The following SH3YL1 variants were observed in gnomAD, a reference collection of about 807,000 sequenced individuals.
SH3YL1 encodes the protein SH3 and SYLF domain containing 1, also known as SH3 domain-containing YSC84-like protein 1.
A neutral mutation model predicts 45.8 loss-of-function variants in SH3YL1; 41 were observed. The ratio of observed to expected loss-of-function variants is 0.89; its 90% CI spans 0.70 to 1.16. SH3YL1 has a LOEUF of 1.16. Ranked by LOEUF, SH3YL1 falls within the 50% of genes most tolerant of loss-of-function variation. The probability of loss-of-function intolerance (pLI) is 0.00; values close to 1 mark genes in which losing one functional copy is unlikely to be tolerated. For synonymous variants in SH3YL1, 152 were observed against 151.4 expected (o/e 1.00, Z -0.03); for missense variants, 389 against 409.6 (o/e 0.95, Z 0.43).
rs773162620 is a variant in SH3YL1, at chr2:253,078, T to C, written c.39A>G (p.Ala13=). ...NPIPSNLKSE[A]KKAAKILREF... ...CTCTTAATATTTTGGCAGCCTTTTT[T>C]GCTTCTGATTTCAAATTGGAAGGTA... The change falls in exon 2 of 10, where the codon GCA becomes GCG. Residue 13 remains alanine (A), a synonymous_variant. Transcript: ENST00000356150. 2.6e-6 allele frequency: 4 copies of C among 1,549,574 alleles called. No homozygotes were observed. Among genetic ancestry groups the C allele is most frequent in the Non-Finnish European group, 8.7e-7 (1 of 1,145,180 alleles).
intron 1 of SH3YL1, chr2:262,807 A>C (rs1669640507): frequency 1.2e-6 from 1 of 862,794 alleles, no homozygotes; most frequent in Non-Finnish European, 1.6e-6. Flanking sequence ...CAAAAGTATC[A>C]AATCACTTTT....
chr2:229,708 G>A (rs1252614646), intron 8 of SH3YL1, among the ~76,000 whole-genome samples: 11 of 121,842 alleles, frequency 9.0e-5, no homozygotes, highest in South Asian at 2.6e-4. Context: ...CAGCCTGGGC[G>A]ACAGAGCGAG....
In SH3YL1 at chr2:229,834, CTTATT is replaced by C. The variant is rs1213545073; in HGVS notation, c.781+127_781+131del. ...TCATGTATTTAGAAGAGGCTGAGCA[CTTATT>C]TTACTCTTAAATATGTTAGTTCTTC... is the stretch of plus-strand genomic sequence containing the variant. On this transcript the variant is annotated intron_variant, in intron 8 of 9. Transcript: ENST00000356150. 2.1e-5 allele frequency: 13 copies of C among 613,484 alleles called. No individual in the cohort carries two copies. The East Asian group carries it at 3.4e-4, about 16-fold the overall frequency. The allele number at this position is 613,484 out of a possible 1,614,324, so 38.0% of individuals were successfully genotyped here.
chr2:237,067 C>T (rs1668337067), intron 4 of SH3YL1, among the ~76,000 whole-genome samples: 1 of 152,028 alleles, frequency 6.6e-6, no homozygotes, highest in Admixed American at 6.6e-5. Flanking sequence ...GCATTTTCAC[C>T]AGTGATTGTA....
chr2:220,933 T>G (rs1192288216), intron 9 of SH3YL1, among the ~76,000 whole-genome samples: 1 of 152,202 alleles, frequency 6.6e-6, no homozygotes, highest in Non-Finnish European at 1.5e-5. Context: ...ATTTATACAC[T>G]TGCAGTCTCA....
intron 1 of SH3YL1, chr2:259,370 TA>T (rs1669492488): frequency 6.6e-6 from 1 of 152,214 alleles, no homozygotes; most frequent in Non-Finnish European, 1.5e-5. Context: ...ATTTATACAT[TA>T]AAAATTAATA....
At chr2:232,939 G>T in intron 6 of SH3YL1, 162 bp downstream of exon 6, 1 of 473,346 alleles carries the variant, frequency 2.1e-6, no homozygotes, top group Non-Finnish European at 3.3e-6. Flanking sequence ...CATTTTCTAC[G>T]AGCATATATT....
chr2:260,651 A>C (rs976429949), intron 1 of SH3YL1: 2 of 152,276 alleles, frequency 1.3e-5, no homozygotes, highest in Non-Finnish European at 2.9e-5. Flanking sequence ...GCCAGACTGA[A>C]GTCACAAGCC....
chr2:248,675 G>T (rs1668942972), intron 3 of SH3YL1, among the ~76,000 whole-genome samples: 2 of 152,146 alleles, frequency 1.3e-5, no homozygotes, highest in South Asian at 4.2e-4. Flanking sequence ...CCCATCAATG[G>T]AGCAGTTGGG....
chr2:234,903 G>A (rs1378297362), intron 4 of SH3YL1, among the ~76,000 whole-genome samples: 2 of 152,090 alleles, frequency 1.3e-5, no homozygotes, highest in East Asian at 1.9e-4. Flanking sequence ...TTGAGAAAGA[G>A]TTTCACTCTT....
intron 9 of SH3YL1, chr2:222,822 G>A (rs1305198326): frequency 1.3e-5 from 2 of 152,228 alleles, no homozygotes; most frequent in African/African-American, 4.8e-5. Flanking sequence ...CGCACGTGGA[G>A]GACTCAGTGT....
intron 8 of SH3YL1, 49 bp downstream of exon 8, chr2:229,917 A>C (rs765697020): frequency 1.4e-6 from 2 of 1,382,772 alleles, no homozygotes; most frequent in South Asian, 2.4e-5. Flanking sequence ...GATAACATTT[A>C]ATAATTACTT....
intron 2 of SH3YL1, among the ~76,000 whole-genome samples, chr2:250,868 T>C (rs1319587436): frequency 6.6e-6 from 1 of 152,238 alleles, no homozygotes; most frequent in Non-Finnish European, 1.5e-5. Flanking sequence ...GAAAATAAGG[T>C]TGCATCCTGG....
intron 7 of SH3YL1, chr2:230,299 A>G: frequency 3.1e-6 from 1 of 317,868 alleles, no homozygotes; most frequent in Non-Finnish European, 5.8e-6. Flanking sequence ...CCACCTGTGC[A>G]AGGTCTTAGG....
At chr2:238,102 T>C (rs1399683368) in intron 4 of SH3YL1, among the ~76,000 whole-genome samples, 1 of 152,136 alleles carries the variant, frequency 6.6e-6, no homozygotes, top group Non-Finnish European at 1.5e-5. Flanking sequence ...TTGACTGCTG[T>C]CAGCCTTCAA....
In SH3YL1 at chr2:263,970, C is replaced by T. The variant is rs1197479977; in HGVS notation, c.1+14G>A. The T allele has an allele frequency of 2.0e-6, 3 of 1,497,948 alleles. No homozygotes were observed. In the African/African-American group the frequency reaches 4.4e-5, roughly 22 times the overall value. The allele number at this position is 1,497,948 out of a possible 1,614,324, so 92.8% of individuals were successfully genotyped here. A position where few individuals can be genotyped will look rare whatever the true frequency, so the allele number is the denominator to read the frequency against. On this transcript the variant is annotated intron_variant, in intron 1 of 9. Transcript: ENST00000356150. ...GGAGGGTGCTGCCGGACAGGTGGGT[C>T]CCCGGGTACTCACTGCTGCCCGCCC...
upstream of SH3YL1, chr2:264,758 G>A (rs1242908259): frequency 3.7e-6 from 2 of 547,252 alleles, no homozygotes; most frequent in Non-Finnish European, 6.3e-6. Context: ...GTGACCCGCG[G>A]ACCCTCCCCG....
chr2:239,416 C>T (rs300703), intron 4 of SH3YL1: 139,032 of 152,264 alleles, frequency 0.91, 63,602 homozygotes, highest in African/African-American at 0.97. Context: ...GGATACACCA[C>T]GTGGAAGGTA....
intron 1 of SH3YL1, among the ~76,000 whole-genome samples, chr2:258,669 T>G (rs1369241760): frequency 6.6e-6 from 1 of 152,160 alleles, no homozygotes; most frequent in Non-Finnish European, 1.5e-5. Flanking sequence ...GTGTCTAGAG[T>G]AGCCTTTAGA....
Sources: allele counts gnomAD v4.1 joint callset (sites outside exome capture counted in the v4.1 genomes callset), GRCh38; gene constraint gnomAD v4.1.1; transcripts MANE v1.5; gene names NCBI Gene and HGNC (gene_info 2026-07-23, HGNC 2026-07-21).